The following CEP170B variants were observed in gnomAD, a reference collection of about 807,000 sequenced individuals.
CEP170B encodes centrosomal protein of 170 kDa protein B.
In CEP170B, 55 loss-of-function variants were observed where a neutral mutation model predicts 120.6. The observed-to-expected ratio is 0.46, with a 90% CI of 0.37 to 0.57. The LOEUF is 0.57. Ranked by LOEUF, CEP170B falls within the 20% of genes least tolerant of loss-of-function variation. CEP170B has a pLI of 0.00. For missense variants in CEP170B, 2,212 were observed against 2,253.3 expected (o/e 0.98, Z 0.37); for synonymous variants, 1,033 against 954.5 (o/e 1.08, Z -1.52).
rs1422118057 is a variant in CEP170B at position 104,880,272 on chromosome 14, C to G, written c.334-15C>G. 1.3e-6 allele frequency: 2 copies of G among 1,581,228 alleles called. No homozygotes were observed. The highest frequency in any genetic ancestry group is 1.7e-6 in the Non-Finnish European group (2 of 1,164,818). On this transcript the variant is annotated splice_polypyrimidine_tract_variant and intron_variant, in intron 5 of 18. Transcript: ENST00000414716. The stretch of plus-strand genomic sequence containing the variant: ...GGCTGGGCCCAGTACCTCACCCCGC[C>G]TGGCCTGCCCACAGCATGAAAAGTA...
chr14:104,874,858 G>C (rs919998711), intron 2 of CEP170B, among the ~76,000 whole-genome samples: 3 of 151,952 alleles, frequency 2.0e-5, no homozygotes, highest in Non-Finnish European at 4.4e-5. Flanking sequence ...CTGGCTCTCA[G>C]GCCTGCTGGC....
chr14:104,883,175 C>G lies in CEP170B; in HGVS notation c.718C>G (p.Pro240Ala), dbSNP rs934492070. 1.8e-5 allele frequency: 29 copies of G among 1,600,164 alleles called. No individual in the cohort carries two copies. The Admixed American group carries it at 2.5e-4, about 14-fold the overall frequency. ...GGAGACCCCGCAGCCGTCGCAGCCCCCCGAGGTGCCGGCACACGAGATGCC... is the reference window on the plus strand; with the variant it reads ...GGAGACCCCGCAGCCGTCGCAGCCCGCCGAGGTGCCGGCACACGAGATGCC... ...TKETPQPSQPPEVPAHEMPTK... is the reference protein window; with the variant it reads ...TKETPQPSQPAEVPAHEMPTK... The change falls in exon 8 of 19, where the codon CCC becomes GCC. Residue 240 changes from proline to alanine, a missense_variant. Pro to Ala is a conservative substitution (Grantham distance 27). Around this residue, in one of 2 missense-constraint regions of CEP170B, gnomAD observed 2,166 missense variants for 2,166.7 expected, o/e 1.00. Coordinates refer to ENST00000414716, the MANE Select transcript of CEP170B (RefSeq NM_001112726.3).
At position 104,883,871 on chromosome 14, in the gene CEP170B, C is replaced by G; in HGVS notation, c.1092C>G (p.Asp364Glu). ...ACGGCACGCAGAGTGACTCAGAGGACCCCCTGGCCAAGGCGGCCTCGGCCG... is the reference window on the plus strand; with the variant it reads ...ACGGCACGCAGAGTGACTCAGAGGAGCCCCTGGCCAAGGCGGCCTCGGCCG... ...HEDGTQSDSE[D>E]PLAKAASAAG... is the part of the protein sequence containing the mutation. Residue 364 changes from aspartate (D) to glutamate (E), a missense_variant, in exon 9 of 19, where the codon GAC (aspartate) becomes GAG (glutamate). Physicochemically the swap from Asp to Glu is conservative, Grantham distance 45. Coordinates refer to ENST00000414716, the MANE Select transcript of CEP170B (RefSeq NM_001112726.3). The G allele has an allele frequency of 6.3e-7, 1 of 1,574,950 alleles. No homozygotes were observed. Among genetic ancestry groups the G allele is most frequent in the Non-Finnish European group, 8.6e-7 (1 of 1,161,054 alleles).
At position 104,894,722 on chromosome 14, in the gene CEP170B, A is replaced by G; in HGVS notation, c.4429A>G (p.Ile1477Val). ...VQKQLEVINA[I>V]VDPSGSLDLL... ...CTCCCCACCTCCAGTTATCAATGCCATCGTGGACCCCAGTGGGAGCCTGGA... is the reference window on the plus strand; with the variant it reads ...CTCCCCACCTCCAGTTATCAATGCCGTCGTGGACCCCAGTGGGAGCCTGGA... Residue 1477 changes from isoleucine to valine, a missense_variant, in exon 19 of 19, where the codon ATC (isoleucine) becomes GTC (valine). Ile to Val is a conservative substitution (Grantham distance 29, BLOSUM62 3). Coordinates refer to ENST00000414716, the MANE Select transcript of CEP170B (RefSeq NM_001112726.3). The G allele has an allele frequency of 6.3e-7, 1 of 1,584,668 alleles. No individual in the cohort carries two copies. Among genetic ancestry groups the G allele is most frequent in the Non-Finnish European group, 8.6e-7 (1 of 1,163,428 alleles).
At chr14:104,882,862 C>A in intron 7 of CEP170B, 30 bp downstream of exon 7, 1 of 1,598,402 alleles carries the variant, frequency 6.3e-7, no homozygotes, top group Admixed American at 1.7e-5. Flanking sequence ...TGGTGAGACC[C>A]TGAGGGCTCC....
intron 12 of CEP170B, among the ~76,000 whole-genome samples, chr14:104,889,264 G>A (rs532333570): frequency 6.6e-6 from 1 of 152,194 alleles, no homozygotes; most frequent in Non-Finnish European, 1.5e-5. Context: ...CTGCTCCCGG[G>A]TTGCAGCCAC....
Position 104,886,854 on chromosome 14 carries a change from A to C in CEP170B, c.2615A>C (p.Glu872Ala). The change falls in exon 12 of 19, where the codon GAG becomes GCG. Residue 872 changes from glutamate (E) to alanine (A), a missense_variant. By Grantham distance (107) the Glu-to-Ala change is moderately radical. Around this residue, in one of 2 missense-constraint regions of CEP170B, gnomAD observed 2,166 missense variants for 2,166.7 expected, o/e 1.00. Transcript: ENST00000414716. ...AFLRQESFTK[E>A]PASGPPAPGK... Reference sequence around the variant, plus strand: ...CTCCGGCAAGAGAGCTTCACTAAGGAGCCAGCCAGTGGTCCCCCAGCGCCC... The same window carrying C: ...CTCCGGCAAGAGAGCTTCACTAAGGCGCCAGCCAGTGGTCCCCCAGCGCCC... 6.2e-7 allele frequency: 1 copy of C among 1,610,896 alleles called. No individual in the cohort carries two copies. The highest frequency in any genetic ancestry group is 2.2e-5 in the East Asian group (1 of 44,870).
At chr14:104,884,627 C>T in intron 9 of CEP170B, 78 bp downstream of exon 9, 1 of 1,328,088 alleles carries the variant, frequency 7.5e-7, no homozygotes, top group Non-Finnish European at 1.0e-6. Flanking sequence ...GAGTGAGAGC[C>T]CTCGTGGGGA....
intron 3 of CEP170B, 53 bp from the exon 4 acceptor site, chr14:104,877,832 A>AACCCCCCCCCCC: frequency 3.3e-6 from 1 of 307,622 alleles, no homozygotes; most frequent in Non-Finnish European, 5.2e-6. Context: ...CCCTGCCCAC[A>AACCCCCCCCCCC]GCCACCCACC....
rs191363179 is a variant in CEP170B, at chr14:104,881,514, A to G, written c.472+1089A>G. ...GATGCAGGTCCGCCCAGAATGGAAG[A>G]CCGCTGGGGACTGGGAAGCTTTCCA... On this transcript the variant is annotated intron_variant, in intron 6 of 18. Coordinates refer to ENST00000414716, the MANE Select transcript of CEP170B (RefSeq NM_001112726.3). Among the ~76,000 whole-genome samples, 44 of 152,270 alleles carry G rather than the reference A, an allele frequency of 2.9e-4. 1 individual carries two copies. The East Asian group carries it at 4.8e-3, about 17-fold the overall frequency.
At position 104,865,879 on chromosome 14, in the gene CEP170B, C is replaced by T. The variant is rs2140603021; in HGVS notation, c.-28+366C>T. On this transcript the variant is annotated intron_variant, in intron 1 of 18. Transcript: ENST00000414716. The surrounding 1 kb of genome is among the most constrained non-coding windows in gnomAD (Gnocchi z 6.7). Reference sequence around the variant, plus strand: ...CCTCCCTCCTGGCCTGGTCTCTCCTCCCGCGGTCCCTCCCTCCGTCTTCCT... The same window carrying T: ...CCTCCCTCCTGGCCTGGTCTCTCCTTCCGCGGTCCCTCCCTCCGTCTTCCT... Among the ~76,000 whole-genome samples the T allele has an allele frequency of 6.6e-6, 1 of 152,228 alleles. No individual in the cohort carries two copies. Among genetic ancestry groups the T allele is most frequent in the East Asian group, 1.9e-4 (1 of 5,168 alleles).
At chr14:104,879,075 A>G (rs562633028) in intron 5 of CEP170B, among the ~76,000 whole-genome samples, 41 of 152,282 alleles carry the variant, frequency 2.7e-4, no homozygotes, top group African/African-American at 9.9e-4. Flanking sequence ...AGTGTCTCTC[A>G]GGTTAAGTAG....
In CEP170B at chr14:104,894,570, G is replaced by C; in HGVS notation, c.4399G>C (p.Val1467Leu). The change falls in exon 18 of 19, where the codon GTG becomes CTG. Residue 1467 changes from valine (V) to leucine (L), a missense_variant. By Grantham distance (32) the Val-to-Leu change is conservative (BLOSUM62 1). Transcript: ENST00000414716. ...ISSILKELRRVQKQLEVINAI... is the reference protein window; with the variant it reads ...ISSILKELRRLQKQLEVINAI... ...CTCCATCCTGAAGGAACTGAGGCGG[G>C]TGCAGAAACAGCTGGAAGGTGAGTG... The C allele has an allele frequency of 6.2e-7, 1 of 1,611,796 alleles. No individual in the cohort carries two copies. Among genetic ancestry groups the C allele is most frequent in the East Asian group, 2.2e-5 (1 of 44,868 alleles).
intron 3 of CEP170B, among the ~76,000 whole-genome samples, chr14:104,876,645 A>G (rs61995994): frequency 0.42 from 64,097 of 151,462 alleles, 16,015 homozygotes; most frequent in Middle Eastern, 0.67. Context: ...CCCCAACTAC[A>G]GAGGCCCCCA....
At chr14:104,883,619 C>T (rs1896283161) in intron 8 of CEP170B, 111 bp downstream of exon 8, 1 of 1,250,972 alleles carries the variant, frequency 8.0e-7, no homozygotes, top group Non-Finnish European at 1.1e-6. Flanking sequence ...GGTTGACTTC[C>T]CATTTTTCAG....
chr14:104,889,661 T>C lies in CEP170B; in HGVS notation c.3781T>C (p.Ser1261Pro). The change falls in exon 13 of 19, where the codon TCC becomes CCC. Residue 1261 changes from serine (S) to proline (P), a missense_variant. Physicochemically the swap from Ser to Pro is moderately conservative, Grantham distance 74. Coordinates refer to ENST00000414716, the MANE Select transcript of CEP170B (RefSeq NM_001112726.3). The stretch of plus-strand genomic sequence containing the variant: ...GGCTGGCAGCTCCAGCCGGGCTCGT[T>C]CCCGGGCCCCCGGCCCCCGGGACAC... ...PRAGSSSRAR[S>P]RAPGPRDTDD... is the part of the protein sequence containing the mutation. 6.2e-7 allele frequency: 1 copy of C among 1,611,978 alleles called. No homozygotes were observed. The highest frequency in any genetic ancestry group is 1.3e-5 in the African/African-American group (1 of 74,956).
chr14:104,875,722 G>A (rs1315003727), intron 2 of CEP170B, among the ~76,000 whole-genome samples: 1 of 152,230 alleles, frequency 6.6e-6, no homozygotes. Flanking sequence ...CCTTATGATT[G>A]GACGACCGGG....
rs1895190486 is a variant in CEP170B at position 104,866,082 on chromosome 14, G to A, written c.-28+569G>A. ...TGACTGTGGCCCTTCCGGCCGGGGC[G>A]GCTGAGGGGACAAGTTTGGGGCGTT... On this transcript the variant is annotated intron_variant, in intron 1 of 18. Coordinates refer to ENST00000414716, the MANE Select transcript of CEP170B (RefSeq NM_001112726.3). Among the ~76,000 whole-genome samples, 8 of 152,242 alleles carry A rather than the reference G, an allele frequency of 5.3e-5. No individual in the cohort carries two copies. The South Asian group carries it at 1.7e-3, about 32-fold the overall frequency.
At chr14:104,890,852 AGTGG>A (rs1262002773) in intron 13 of CEP170B, among the ~76,000 whole-genome samples, 6 of 27,344 alleles carry the variant, frequency 2.2e-4, no homozygotes, top group Admixed American at 4.8e-4. Flanking sequence ...TGGATGAATG[AGTGG>A]GTGGGTGGGT....
Sources: gnomAD v4.1 joint callset for allele counts (sites outside exome capture counted in the v4.1 genomes callset) on GRCh38, gnomAD v4.1.1 for gene constraint, gnomAD v4.1.1 regional missense constraint, Gnocchi (gnomAD v3.1) non-coding constraint, MANE v1.5 for transcripts, NCBI Gene and HGNC (gene_info 2026-07-23, HGNC 2026-07-21) for gene names.